OPRM1: variants seen among roughly 807,000 people sequenced by gnomAD.
OPRM1 encodes the protein opioid receptor mu 1.
A neutral mutation model predicts 31.8 loss-of-function variants in OPRM1; 27 were observed. That is an observed-to-expected ratio of 0.85 (90% CI 0.63 to 1.17). The LOEUF is 1.17. Ranked by LOEUF, OPRM1 falls within the 50% of genes most tolerant of loss-of-function variation. OPRM1 has a pLI of 0.00. For synonymous variants in OPRM1, 196 were observed against 189.9 expected, an observed-to-expected ratio of 1.03 and a Z score of -0.26; for missense variants, 536 against 511.1, an observed-to-expected ratio of 1.05 and a Z score of -0.47.
At chr6:154,110,989 A>C (rs1441171897) in intron 3 of OPRM1, among the ~76,000 whole-genome samples, 3 of 152,086 alleles carry the variant, frequency 2.0e-5, no homozygotes, top group Non-Finnish European at 2.9e-5. Context: ...GTGGACAATA[A>C]ATGTAATGAC....
intron 1 of OPRM1, among the ~76,000 whole-genome samples, chr6:154,033,211 A>C (rs906834686): frequency 2.0e-5 from 3 of 152,216 alleles, no homozygotes; most frequent in Non-Finnish European, 4.4e-5. Flanking sequence ...TAAAATAAAG[A>C]CTAAAACACC....
At chr6:154,214,618 G>T (rs1393595585) in intron 3 of OPRM1, among the ~76,000 whole-genome samples, 5 of 152,180 alleles carry the variant, frequency 3.3e-5, no homozygotes, top group Non-Finnish European at 7.4e-5. Context: ...ACTGGATTTA[G>T]TAACTTGGCT....
chr6:154,205,544 G>T (rs376600953), intron 3 of OPRM1, among the ~76,000 whole-genome samples: 1 of 152,112 alleles, frequency 6.6e-6, no homozygotes, highest in Non-Finnish European at 1.5e-5. Context: ...GCAGTGAGCC[G>T]AAATCACACC....
chr6:154,184,128 C>T (rs894548657), intron 3 of OPRM1, among the ~76,000 whole-genome samples: 3 of 151,560 alleles, frequency 2.0e-5, no homozygotes, highest in Non-Finnish European at 2.9e-5. Flanking sequence ...TGTATCTCAA[C>T]ATTTGAAGAA....
chr6:154,100,858 T>C (rs1363186229), intron 3 of OPRM1, among the ~76,000 whole-genome samples: 3 of 149,506 alleles, frequency 2.0e-5, no homozygotes, highest in African/African-American at 4.9e-5. Context: ...TTAAAAAATA[T>C]ATATTTAGGA....
intron 3 of OPRM1, among the ~76,000 whole-genome samples, chr6:154,183,663 C>T (rs1801089220): frequency 6.6e-6 from 1 of 152,226 alleles, no homozygotes; most frequent in East Asian, 1.9e-4. Context: ...CTTTTTGAGG[C>T]CGAGGCAGGC....
chr6:154,141,235 G>T (rs1315955770), intron 3 of OPRM1, among the ~76,000 whole-genome samples: 2 of 152,206 alleles, frequency 1.3e-5, no homozygotes, highest in Non-Finnish European at 2.9e-5. Flanking sequence ...TGGGCAGCGC[G>T]TGTTAATGTT....
chr6:154,065,150 ATTT>A (rs564465420), intron 1 of OPRM1, among the ~76,000 whole-genome samples: 3 of 133,664 alleles, frequency 2.2e-5, no homozygotes, highest in African/African-American at 2.8e-5. Context: ...GTCTTCTTTA[ATTT>A]TTTTTTTTTT....
intron 1 of OPRM1, among the ~76,000 whole-genome samples, chr6:154,029,996 T>G (rs1322851883): frequency 5.3e-5 from 8 of 151,988 alleles, no homozygotes; most frequent in Non-Finnish European, 7.4e-5. Context: ...AGCGTGAGAA[T>G]GGTCTAATTT....
At chr6:154,179,955 A>G (rs1311960191) in intron 3 of OPRM1, among the ~76,000 whole-genome samples, 1 of 152,154 alleles carries the variant, frequency 6.6e-6, no homozygotes, top group African/African-American at 2.4e-5. Context: ...TGATGCTGGA[A>G]TTGCTGGTCC....
At chr6:154,031,696 G>T (rs962280998) in intron 1 of OPRM1, among the ~76,000 whole-genome samples, 1 of 152,096 alleles carries the variant, frequency 6.6e-6, no homozygotes, top group Non-Finnish European at 1.5e-5. Context: ...AGCCGAGATC[G>T]CGCCATTGCA....
chr6:154,013,066 T>C (rs1207181139), intron 1 of OPRM1, among the ~76,000 whole-genome samples: 1 of 152,138 alleles, frequency 6.6e-6, no homozygotes, highest in Non-Finnish European at 1.5e-5. Flanking sequence ...ATGAATGAAT[T>C]TGTTTCATAA....
rs557865780 is a variant in OPRM1 at position 154,183,535 on chromosome 6, G to C, written c.1165-63158G>C. On this transcript the variant is annotated intron_variant, in intron 3 of 3. Coordinates refer to the OPRM1 transcript ENST00000337049. ...ATTACCTGAATGATAGTGCCAAGGA[G>C]AGGTGCGCTCTATAGAATACCAAAG... is the stretch of plus-strand genomic sequence containing the variant. Among the ~76,000 whole-genome samples, 9 of 152,322 alleles carry C rather than the reference G, an allele frequency of 5.9e-5. No homozygotes were observed. The East Asian group carries it at 1.7e-3, about 29-fold the overall frequency.
chr6:154,241,295 T>C (rs1469104067), intron 3 of OPRM1, among the ~76,000 whole-genome samples: 1 of 151,078 alleles, frequency 6.6e-6, no homozygotes, highest in African/African-American at 2.4e-5. Flanking sequence ...TCATTTTTTC[T>C]AGTCAAGGCT....
chr6:154,171,814 G>A (rs1269391010), intron 3 of OPRM1, among the ~76,000 whole-genome samples: 1 of 152,140 alleles, frequency 6.6e-6, no homozygotes, highest in Non-Finnish European at 1.5e-5. Flanking sequence ...AAGACTTAGA[G>A]TTTTCAGTTT....
intron 3 of OPRM1, among the ~76,000 whole-genome samples, chr6:154,145,332 G>A (rs1798330856): frequency 6.6e-6 from 1 of 152,202 alleles, no homozygotes; most frequent in African/African-American, 2.4e-5. Context: ...AAGATGAACA[G>A]ACACAAAAAT....
chr6:154,086,501 T>C (rs1790608429), intron 1 of OPRM1: 2 of 769,214 alleles, frequency 2.6e-6, no homozygotes, highest in Non-Finnish European at 3.2e-6. Flanking sequence ...ATACACATTG[T>C]GGAATGGCTA....
chr6:154,199,920 G>A, intron 3 of OPRM1: 9 of 1,614,202 alleles, frequency 5.6e-6, no homozygotes, highest in Non-Finnish European at 7.6e-6. Context: ...GGCAAGGATT[G>A]TCTCTCTTTA....
chr6:154,187,049 C>T (rs114088393), intron 3 of OPRM1, among the ~76,000 whole-genome samples: 1 of 152,304 alleles, frequency 6.6e-6, no homozygotes, highest in African/African-American at 2.4e-5. Context: ...ACACACTCCA[C>T]ACTCTGTCTT....
Sources: allele counts gnomAD v4.1 joint callset (sites outside exome capture counted in the v4.1 genomes callset), GRCh38; gene constraint gnomAD v4.1.1; transcripts MANE v1.5; gene names NCBI Gene and HGNC (gene_info 2026-07-23, HGNC 2026-07-21).